Variants in RNGTT observed in about 807,000 individuals in gnomAD.
RNGTT encodes RNA guanylyltransferase and 5'-phosphatase.
Under a neutral mutation model 79.3 loss-of-function variants are expected in RNGTT, and 33 were observed. The ratio of observed to expected loss-of-function variants is 0.42; its 90% CI spans 0.32 to 0.56. The LOEUF is 0.56. Ranked by LOEUF, RNGTT falls within the 20% of genes least tolerant of loss-of-function variation. The pLI, the probability that RNGTT is intolerant of heterozygous loss-of-function variation, is 0.17. For missense variants in RNGTT, 497 were observed against 739.1 expected (o/e 0.67, Z 3.80); for synonymous variants, 222 against 235.9 (o/e 0.94, Z 0.54).
intron 2 of RNGTT, among the ~76,000 whole-genome samples, chr6:88,937,314 C>T (rs1197375825): frequency 1.3e-5 from 2 of 151,754 alleles, no homozygotes; most frequent in East Asian, 3.9e-4. Context: ...CATTGCACTC[C>T]AGCCTAGGCA....
At chr6:88,916,327 G>T (rs969508985) in intron 4 of RNGTT, among the ~76,000 whole-genome samples, 1 of 152,066 alleles carries the variant, frequency 6.6e-6, no homozygotes. Flanking sequence ...ACAAAAATTC[G>T]CCATGCATGG....
intron 13 of RNGTT, among the ~76,000 whole-genome samples, chr6:88,698,256 TATAA>T (rs1421783291): frequency 8.4e-6 from 1 of 118,720 alleles, no homozygotes; most frequent in Non-Finnish European, 1.6e-5. Flanking sequence ...GAAATATATA[TATAA>T]ATATATATGA....
rs1198437372 is a variant in RNGTT, at chr6:88,690,025, T to C, written c.1440-11606A>G. Among the ~76,000 whole-genome samples the C allele has an allele frequency of 3.3e-5, 5 of 152,118 alleles. No homozygotes were observed. The South Asian group carries it at 1.0e-3, about 32-fold the overall frequency. On this transcript the variant is annotated intron_variant, in intron 13 of 15. Coordinates refer to ENST00000369485, the MANE Select transcript of RNGTT (RefSeq NM_003800.5). ...CTGAGAAAAGCACTATTTTCATAAG[T>C]TCTTGCCAAAAAATGCAAAAGACCC... is the stretch of plus-strand genomic sequence containing the variant.
chr6:88,814,374 G>T (rs1218245474), intron 11 of RNGTT, among the ~76,000 whole-genome samples: 1 of 152,090 alleles, frequency 6.6e-6, no homozygotes, highest in Non-Finnish European at 1.5e-5. Context: ...ACAATTTGTT[G>T]TGTGTCATGG....
At chr6:88,880,176 C>CTGAA (rs57548721) in intron 8 of RNGTT, among the ~76,000 whole-genome samples, 277 of 149,578 alleles carry the variant, frequency 1.9e-3, no homozygotes, top group Middle Eastern at 3.4e-3. Context: ...AATATAATTT[C>CTGAA]TGAATGAATG....
At chr6:88,655,622 T>C (rs1773949094) in intron 14 of RNGTT, among the ~76,000 whole-genome samples, 1 of 152,168 alleles carries the variant, frequency 6.6e-6, no homozygotes, top group Admixed American at 6.5e-5. Context: ...AAAAATCCCA[T>C]ATAATGGTTA....
rs146874865 is a variant in RNGTT, at chr6:88,788,508, G to A, written c.1338+13056C>T. 5.7e-3 allele frequency among the ~76,000 whole-genome samples: 870 copies of A among 152,202 alleles called. 7 individuals carry two copies. Among genetic ancestry groups the A allele is most frequent in the South Asian group, 0.017 (83 of 4,820 alleles). On this transcript the variant is annotated intron_variant, in intron 12 of 15. Coordinates refer to ENST00000369485, the MANE Select transcript of RNGTT (RefSeq NM_003800.5). ...TTTTTAATTAAAGGAGATGACTGGC[G>A]ACCTTTCAAAAAAGCAGTTGATTCG...
Position 88,610,580 on chromosome 6 carries a change from T to G in RNGTT, c.*2139A>C, listed in dbSNP as rs1194557961. The G allele has an allele frequency of 1.3e-5, 2 of 152,186 alleles. No homozygotes were observed. The highest frequency in any genetic ancestry group is 2.9e-5 in the Non-Finnish European group (2 of 68,036). The allele number at this position is 152,186 out of a possible 1,614,324, so 9.4% of individuals were successfully genotyped here. On this transcript the variant is annotated 3_prime_UTR_variant, in exon 16 of 16. Transcript: ENST00000369485. ...TTATCCCCCTGACCTTCTAAATGAC[T>G]TTTATAATACTGCAGATGGTATTAT...
chr6:88,629,886 GGTGA>G (rs1055771910), intron 14 of RNGTT, among the ~76,000 whole-genome samples: 2 of 152,108 alleles, frequency 1.3e-5, no homozygotes, highest in African/African-American at 2.4e-5. Flanking sequence ...GCTTTCAAGT[GGTGA>G]GTATTTTACA....
intron 11 of RNGTT, among the ~76,000 whole-genome samples, chr6:88,822,943 A>G (rs7756690): frequency 0.15 from 22,976 of 152,182 alleles, 1,879 homozygotes; most frequent in Middle Eastern, 0.25. Flanking sequence ...AATTTGAGAC[A>G]GATAATACAC....
chr6:88,807,804 G>A (rs1255060326), intron 11 of RNGTT, among the ~76,000 whole-genome samples: 1 of 151,884 alleles, frequency 6.6e-6, no homozygotes, highest in Non-Finnish European at 1.5e-5. Flanking sequence ...AACCCAGCAA[G>A]AAGGGGGAAA....
At chr6:88,841,755 T>A (rs1418597195) in intron 11 of RNGTT, among the ~76,000 whole-genome samples, 1 of 152,180 alleles carries the variant, frequency 6.6e-6, no homozygotes, top group African/African-American at 2.4e-5. Flanking sequence ...CCTCCCAAAG[T>A]TTCTGAATCT....
chr6:88,697,356 C>A (rs190916682), intron 13 of RNGTT, among the ~76,000 whole-genome samples: 363 of 151,642 alleles, frequency 2.4e-3, no homozygotes, highest in African/African-American at 8.4e-3. Context: ...TCAAGACCAT[C>A]CTGGCTAACA....
At chr6:88,916,849 G>C (rs968051568) in intron 4 of RNGTT, among the ~76,000 whole-genome samples, 1 of 152,192 alleles carries the variant, frequency 6.6e-6, no homozygotes, top group African/African-American at 2.4e-5. Context: ...TTCTGGGAAG[G>C]CCTCTAAGAT....
intron 13 of RNGTT, among the ~76,000 whole-genome samples, chr6:88,705,791 T>A (rs1776111650): frequency 6.6e-6 from 1 of 152,212 alleles, no homozygotes; most frequent in South Asian, 2.1e-4. Context: ...AAACTGAAAT[T>A]TTCCACTTCA....
At chr6:88,913,858 A>G (rs1164956018) in intron 4 of RNGTT, among the ~76,000 whole-genome samples, 1 of 152,196 alleles carries the variant, frequency 6.6e-6, no homozygotes, top group East Asian at 1.9e-4. Flanking sequence ...TGCTAGCAAG[A>G]GCAATCAGGC....
At chr6:88,943,310 T>C (rs1029715105) in intron 1 of RNGTT, among the ~76,000 whole-genome samples, 11 of 152,184 alleles carry the variant, frequency 7.2e-5, no homozygotes, top group African/African-American at 2.4e-4. Flanking sequence ...AGTAACATCA[T>C]TCTTTTAGCA....
intron 11 of RNGTT, among the ~76,000 whole-genome samples, chr6:88,826,325 T>C (rs1473439603): frequency 2.0e-5 from 3 of 152,236 alleles, no homozygotes; most frequent in Non-Finnish European, 4.4e-5. Flanking sequence ...TTTTCATGCA[T>C]TTGTCTTCAC....
At chr6:88,921,972 G>C (rs192485568) in intron 4 of RNGTT, among the ~76,000 whole-genome samples, 80 of 152,230 alleles carry the variant, frequency 5.3e-4, no homozygotes, top group African/African-American at 1.9e-3. Context: ...TGAGCACTGA[G>C]CATCAGAGGA....
Sources: allele counts gnomAD v4.1 joint callset (sites outside exome capture counted in the v4.1 genomes callset), GRCh38; gene constraint gnomAD v4.1.1; transcripts MANE v1.5; gene names NCBI Gene and HGNC (gene_info 2026-07-23, HGNC 2026-07-21).